The following TEX2 variants were observed in gnomAD, a reference collection of about 807,000 sequenced individuals.
TEX2 encodes the protein testis-expressed protein 2.
TEX2 carries 53 observed loss-of-function variants against 106.9 expected under a neutral mutation model. The ratio of observed to expected loss-of-function variants is 0.50; its 90% CI spans 0.40 to 0.62. The LOEUF is 0.62. TEX2 is among the 20% of genes least tolerant of loss of function. TEX2 has a pLI of 0.00. For synonymous variants in TEX2, 523 were observed against 534.8 expected, an observed-to-expected ratio of 0.98 and a Z score of 0.30; for missense variants, 1,207 against 1,379.0, an observed-to-expected ratio of 0.88 and a Z score of 1.98.
At chr17:64,250,519 T>G (rs2034069392) in intron 1 of TEX2, among the ~76,000 whole-genome samples, 1 of 152,214 alleles carries the variant, frequency 6.6e-6, no homozygotes, top group Non-Finnish European at 1.5e-5. Flanking sequence ...GGTTAGAGTT[T>G]ACTGCATGGT....
rs11322413 is a variant in TEX2 at position 64,171,979 on chromosome 17, C to CAAA, written c.2572-783_2572-781dup. On this transcript the variant is annotated intron_variant, in intron 6 of 11. Transcript: ENST00000584379. ...TGGAGGACAGAGCGAGACTCTGCGT[C>CAAA]AAAAAAAAAAAAAAAAGAAAAGAAG... Among the ~76,000 whole-genome samples the CAAA allele has an allele frequency of 5.6e-3, 747 of 133,302 alleles. 8 individuals carry two copies. The highest frequency in any genetic ancestry group is 0.02 in the African/African-American group (712 of 35,792). The allele number at this position is 133,302 out of a possible 152,430, so 87.5% of individuals were successfully genotyped here. A position where few individuals can be genotyped will look rare whatever the true frequency, so the allele number is the denominator to read the frequency against.
At chr17:64,189,755 A>T (rs1466802174) in intron 4 of TEX2, among the ~76,000 whole-genome samples, 2 of 152,118 alleles carry the variant, frequency 1.3e-5, no homozygotes, top group Non-Finnish European at 2.9e-5. Context: ...GCCGAGACAG[A>T]TGAATCACTT....
chr17:64,152,612 C>T (rs1050226604), intron 10 of TEX2, among the ~76,000 whole-genome samples: 1 of 152,174 alleles, frequency 6.6e-6, no homozygotes, highest in Non-Finnish European at 1.5e-5. Flanking sequence ...AGAATAAAGG[C>T]GCTATCTACA....
chr17:64,149,342 A>G, intron 11 of TEX2: 2 of 435,422 alleles, frequency 4.6e-6, no homozygotes, highest in South Asian at 5.3e-5. Flanking sequence ...TTGTATACAT[A>G]TAATAAGGTT....
At chr17:64,178,818 T>G (rs1485449209) in intron 5 of TEX2, among the ~76,000 whole-genome samples, 1 of 152,266 alleles carries the variant, frequency 6.6e-6, no homozygotes, top group Non-Finnish European at 1.5e-5. Context: ...CGCTTTGTGC[T>G]TGTGCATTCG....
intron 6 of TEX2, among the ~76,000 whole-genome samples, chr17:64,175,872 A>G (rs1260436493): frequency 6.6e-6 from 1 of 152,228 alleles, no homozygotes; most frequent in African/African-American, 2.4e-5. Context: ...TCTTGCTTAC[A>G]GAAGGGCTCG....
At chr17:64,160,106 CA>C (rs2030815498) in intron 8 of TEX2, among the ~76,000 whole-genome samples, 2 of 152,036 alleles carry the variant, frequency 1.3e-5, no homozygotes, top group South Asian at 4.1e-4. Flanking sequence ...TTGGTAAAAA[CA>C]ATAATATAAT....
At chr17:64,220,031 A>C (rs1752604612) in intron 1 of TEX2, among the ~76,000 whole-genome samples, 1 of 152,254 alleles carries the variant, frequency 6.6e-6, no homozygotes, top group South Asian at 2.1e-4. Flanking sequence ...AGGCGATGTG[A>C]AACAGAAGCA....
At chr17:64,221,633 A>G (rs757046383) in intron 1 of TEX2, among the ~76,000 whole-genome samples, 1 of 152,240 alleles carries the variant, frequency 6.6e-6, no homozygotes, top group Non-Finnish European at 1.5e-5. Context: ...AAGTTTCTCA[A>G]AAGTTAAAAA....
At chr17:64,253,931 G>C (rs2034138383) in intron 1 of TEX2, among the ~76,000 whole-genome samples, 1 of 152,182 alleles carries the variant, frequency 6.6e-6, no homozygotes, top group Non-Finnish European at 1.5e-5. Flanking sequence ...TCTGGGGATA[G>C]AGAGGTGACC....
In TEX2 at chr17:64,191,315, T is replaced by A. The variant is rs1393113517; in HGVS notation, c.2176+2244A>T. Among the ~76,000 whole-genome samples the A allele has an allele frequency of 2.0e-5, 3 of 152,178 alleles. No individual in the cohort carries two copies. In the East Asian group the frequency reaches 5.8e-4, roughly 29 times the overall value. The stretch of plus-strand genomic sequence containing the variant: ...TCGTTAAAAATAATCAAATGCTTTA[T>A]TTAAGTCCATGAATAACATGCCTCT... On this transcript the variant is annotated intron_variant, in intron 4 of 11. Transcript: ENST00000584379.
At chr17:64,186,823 C>T (rs1261801281) in intron 5 of TEX2, among the ~76,000 whole-genome samples, 1 of 148,102 alleles carries the variant, frequency 6.8e-6, no homozygotes, top group African/African-American at 2.5e-5. Context: ...GAGACCTTGT[C>T]TCAAAAAAAA....
intron 2 of TEX2, among the ~76,000 whole-genome samples, chr17:64,208,379 C>T (rs942411553): frequency 6.6e-6 from 1 of 151,418 alleles, no homozygotes; most frequent in Non-Finnish European, 1.5e-5. Context: ...GCTGGGACTG[C>T]AAGCTGCGCC....
chr17:64,220,963 A>G (rs1371308722), intron 1 of TEX2, among the ~76,000 whole-genome samples: 3 of 152,198 alleles, frequency 2.0e-5, no homozygotes, highest in African/African-American at 7.2e-5. Context: ...AATGCCCATC[A>G]ATGATAGACT....
chr17:64,214,114 G>A lies in TEX2; in HGVS notation c.104C>T (p.Ala35Val). The A allele has an allele frequency of 6.2e-7, 1 of 1,614,102 alleles. No individual in the cohort carries two copies. Among genetic ancestry groups the A allele is most frequent in the Non-Finnish European group, 8.5e-7 (1 of 1,180,026 alleles). The change falls in exon 2 of 12, where the codon GCC (alanine) becomes GTC (valine). Residue 35 changes from alanine to valine, a missense_variant. Transcript: ENST00000584379. ...CTCGCCGGATGCCGAGAAGTGAATG[G>A]CGATGGTATCTCGGGACACGGACCT... ...VQRSVSRDTI[A>V]IHFSASGEEE...
At chr17:64,189,465 G>T (rs563453856) in intron 4 of TEX2, among the ~76,000 whole-genome samples, 1 of 152,296 alleles carries the variant, frequency 6.6e-6, no homozygotes, top group African/African-American at 2.4e-5. Context: ...TATGTTTGGA[G>T]GCCAGTGAGA....
At position 64,214,245 on chromosome 17, in the gene TEX2, G is replaced by C. The variant is rs200428348; in HGVS notation, c.-25-3C>G. 3 of 1,583,392 alleles carry C rather than the reference G, an allele frequency of 1.9e-6. No individual in the cohort carries two copies. Among genetic ancestry groups the C allele is most frequent in the Non-Finnish European group, 2.6e-6 (3 of 1,162,170 alleles). On this transcript the variant is annotated splice_polypyrimidine_tract_variant and splice_region_variant and intron_variant, in intron 1 of 11. Coordinates refer to ENST00000584379, the MANE Select transcript of TEX2 (RefSeq NM_001288732.2). ...CCGGCTTCACAAGGGCTCAGGCTCTGTGAAAACAGTGAGAAAACCAGAAGT... is the reference window on the plus strand; with the variant it reads ...CCGGCTTCACAAGGGCTCAGGCTCTCTGAAAACAGTGAGAAAACCAGAAGT...
chr17:64,238,470 G>A (rs906855254), intron 1 of TEX2, among the ~76,000 whole-genome samples: 1 of 152,162 alleles, frequency 6.6e-6, no homozygotes, highest in South Asian at 2.1e-4. Flanking sequence ...CTGTTCTCAT[G>A]CTGCTTTGAA....
At chr17:64,223,484 T>C (rs2033418410) in intron 1 of TEX2, among the ~76,000 whole-genome samples, 1 of 151,640 alleles carries the variant, frequency 6.6e-6, no homozygotes, top group African/African-American at 2.4e-5. Flanking sequence ...GATGGTTCGT[T>C]CCAGGCCACT....
Sources: gnomAD v4.1 joint callset for allele counts (sites outside exome capture counted in the v4.1 genomes callset) on GRCh38, gnomAD v4.1.1 for gene constraint, MANE v1.5 for transcripts, NCBI Gene and HGNC (gene_info 2026-07-23, HGNC 2026-07-21) for gene names.